The following RNF157 variants were observed in gnomAD, a reference collection of about 807,000 sequenced individuals.
RNF157 encodes the protein E3 ubiquitin ligase RNF157.
In RNF157, 55 loss-of-function variants were observed where a neutral mutation model predicts 88.3. That is an observed-to-expected ratio of 0.62 (90% CI 0.50 to 0.78). The LOEUF (loss-of-function observed/expected upper bound fraction) is 0.78, where lower values mean the gene tolerates loss of function less well. Among genes scored for constraint, RNF157 ranks in the 30% least tolerant of loss-of-function variants. RNF157 has a pLI of 0.00. For missense variants in RNF157, 788 were observed against 860.8 expected, an observed-to-expected ratio of 0.92 and a Z score of 1.06; for synonymous variants, 334 against 341.2, an observed-to-expected ratio of 0.98 and a Z score of 0.23.
chr17:76,211,054 C>T lies in RNF157; in HGVS notation c.207+1310G>A, dbSNP rs62090136. Among the ~76,000 whole-genome samples the T allele has an allele frequency of 8.6e-3, 1,308 of 152,314 alleles. 13 individuals are homozygous for T. The highest frequency in any genetic ancestry group is 0.034 in the South Asian group (164 of 4,830). On this transcript the variant is annotated intron_variant, in intron 2 of 18. Coordinates refer to ENST00000269391, the MANE Select transcript of RNF157 (RefSeq NM_052916.3). The stretch of plus-strand genomic sequence containing the variant: ...TCCCAACCTCAGGTGATCTGTCCAC[C>T]TCGGCCTCCCAAAGTGCTGGGATTA...
At chr17:76,172,512 A>G (rs905102392) in intron 3 of RNF157, among the ~76,000 whole-genome samples, 3 of 148,302 alleles carry the variant, frequency 2.0e-5, no homozygotes, top group Admixed American at 6.8e-5. Flanking sequence ...AATCCCTTGA[A>G]CCTGGGAGGT....
chr17:76,152,016 C>T (rs1039952665), intron 18 of RNF157, among the ~76,000 whole-genome samples: 1 of 152,192 alleles, frequency 6.6e-6, no homozygotes, highest in African/African-American at 2.4e-5. Flanking sequence ...TGTCTGTCTG[C>T]TCAAACTTCC....
At chr17:76,204,782 C>CTTT (rs577037374) in intron 2 of RNF157, among the ~76,000 whole-genome samples, 1 of 139,752 alleles carries the variant, frequency 7.2e-6, no homozygotes, top group Non-Finnish European at 1.5e-5. Context: ...TTCTTTCTTT[C>CTTT]TTTTTTTTTT....
intron 4 of RNF157, 110 bp from the exon 5 acceptor site, chr17:76,167,236 G>A (rs1229621957): frequency 2.5e-6 from 2 of 811,216 alleles, no homozygotes; most frequent in Non-Finnish European, 4.1e-6. Flanking sequence ...CTAGCGAAGA[G>A]AAGAAAGGGT....
rs1027789463 is a variant in RNF157 at position 76,143,201 on chromosome 17, T to C, written c.*2034A>G. The C allele has an allele frequency of 6.6e-6, 1 of 152,260 alleles. No homozygotes were observed. Among genetic ancestry groups the C allele is most frequent in the African/African-American group, 2.4e-5 (1 of 41,444 alleles). 9.4% of individuals were successfully genotyped at this position (152,260 alleles called of 1,614,324 possible). ...ATGCCTTGGACATGGGACTGAGGCC[T>C]TGAGGAATCTTTCCGTGCTTCTCCC... On this transcript the variant is annotated 3_prime_UTR_variant, in exon 19 of 19. Transcript: ENST00000269391.
At chr17:76,153,010 AGTT>A (rs1438133995) in intron 17 of RNF157, 3 of 152,522 alleles carry the variant, frequency 2.0e-5, no homozygotes, top group Admixed American at 1.3e-4. Flanking sequence ...ATGAGACCTG[AGTT>A]GTTATTTTCA....
intron 2 of RNF157, among the ~76,000 whole-genome samples, chr17:76,180,628 T>C (rs2069174262): frequency 6.6e-6 from 1 of 152,240 alleles, no homozygotes; most frequent in African/African-American, 2.4e-5. Flanking sequence ...TTTTACTATG[T>C]TGCCCAGGCT....
chr17:76,210,126 A>G (rs1186565572), intron 2 of RNF157, among the ~76,000 whole-genome samples: 1 of 152,206 alleles, frequency 6.6e-6, no homozygotes, highest in African/African-American at 2.4e-5. Flanking sequence ...TGGCTCTATC[A>G]GAAAAAAAGA....
intron 2 of RNF157, among the ~76,000 whole-genome samples, chr17:76,180,421 C>G (rs1418261996): frequency 6.6e-6 from 1 of 152,116 alleles, no homozygotes; most frequent in Non-Finnish European, 1.5e-5. Flanking sequence ...AAAGAAAGCC[C>G]CTTTCATGGG....
chr17:76,165,603 T>C, intron 6 of RNF157, 58 bp from the exon 7 acceptor site: 4 of 1,585,590 alleles, frequency 2.5e-6, no homozygotes, highest in East Asian at 2.2e-5. Context: ...TTGATGCCCA[T>C]GACTTTCTCC....
intron 1 of RNF157, among the ~76,000 whole-genome samples, chr17:76,239,073 C>A (rs1394731438): frequency 1.3e-5 from 2 of 152,176 alleles, no homozygotes. Flanking sequence ...CAAAAAGAGA[C>A]GAGGCTCTGC....
rs1051727902 is a variant in RNF157, at chr17:76,203,698, C to T, written c.207+8666G>A. 3.3e-5 allele frequency among the ~76,000 whole-genome samples: 5 copies of T among 151,672 alleles called. No homozygotes were observed. The East Asian group carries it at 5.8e-4, about 18-fold the overall frequency. The stretch of plus-strand genomic sequence containing the variant: ...AACTCCTGACCTAAGGTGACCTCCC[C>T]GCCTCAGCCTCCCAAAGTGCTGGGA... On this transcript the variant is annotated intron_variant, in intron 2 of 18. Coordinates refer to ENST00000269391, the MANE Select transcript of RNF157 (RefSeq NM_052916.3).
chr17:76,184,189 T>TAAA (rs542969861), intron 2 of RNF157, among the ~76,000 whole-genome samples: 1,388 of 110,768 alleles, frequency 0.013, 16 homozygotes, highest in Non-Finnish European at 0.021. Context: ...AGACTCCATC[T>TAAA]AAAAAAAAAA....
chr17:76,226,062 G>A, intron 1 of RNF157: 1 of 1,605,140 alleles, frequency 6.2e-7, no homozygotes, highest in Non-Finnish European at 8.5e-7. Flanking sequence ...AGAACACCTG[G>A]AGATGGGAGG....
intron 1 of RNF157, 59 bp from the exon 2 acceptor site, chr17:76,212,541 T>TAAA: frequency 4.5e-5 from 40 of 880,334 alleles, no homozygotes; most frequent in Non-Finnish European, 6.5e-5. Context: ...CTAAATCTAG[T>TAAA]AAAAAAAAAA....
chr17:76,194,756 C>T (rs1271071675), intron 2 of RNF157, among the ~76,000 whole-genome samples: 1 of 152,104 alleles, frequency 6.6e-6, no homozygotes, highest in Non-Finnish European at 1.5e-5. Flanking sequence ...TGGCTCACAC[C>T]TGTAATCCCA....
chr17:76,182,036 A>T (rs16968692), intron 2 of RNF157, among the ~76,000 whole-genome samples: 1 of 152,100 alleles, frequency 6.6e-6, no homozygotes. Context: ...TGAAGAGTCA[A>T]GCAAACCTCT....
In RNF157 at chr17:76,160,764, G is replaced by A. The variant is rs76469028; in HGVS notation, c.1065+771C>T. Among the ~76,000 whole-genome samples, 2,358 of 152,186 alleles carry A rather than the reference G, an allele frequency of 0.015. 51 individuals carry two copies. The highest frequency in any genetic ancestry group is 0.05 in the African/African-American group (2,089 of 41,518). ...AAACTTTTTAGGTGGTAAAATGTAT[G>A]GTTCTTGCTTTCAAGCTTAGAGAAT... On this transcript the variant is annotated intron_variant, in intron 11 of 18. Coordinates refer to ENST00000269391, the MANE Select transcript of RNF157 (RefSeq NM_052916.3). The surrounding 1 kb of genome is among the most constrained non-coding windows in gnomAD (Gnocchi z 4.3).
At chr17:76,208,072 C>G (rs547669215) in intron 2 of RNF157, among the ~76,000 whole-genome samples, 1 of 151,828 alleles carries the variant, frequency 6.6e-6, no homozygotes, top group Admixed American at 6.6e-5. Context: ...TGCACCACCA[C>G]GCCTGGCTAA....
Sources: gnomAD v4.1 joint callset for allele counts (sites outside exome capture counted in the v4.1 genomes callset) on GRCh38, gnomAD v4.1.1 for gene constraint, Gnocchi (gnomAD v3.1) non-coding constraint, MANE v1.5 for transcripts, NCBI Gene and HGNC (gene_info 2026-07-23, HGNC 2026-07-21) for gene names.